Variants in HS6ST3 observed in about 807,000 individuals in gnomAD.
HS6ST3 encodes heparan-sulfate 6-O-sulfotransferase 3.
A neutral mutation model predicts 36.7 loss-of-function variants in HS6ST3; 12 were observed. The ratio of observed to expected loss-of-function variants is 0.33; its 90% confidence interval spans 0.21 to 0.53. The LOEUF (loss-of-function observed/expected upper bound fraction) is 0.53. HS6ST3 is among the 20% of genes least tolerant of loss of function. The probability of loss-of-function intolerance (pLI) is 0.95; values close to 1 mark genes in which losing one functional copy is unlikely to be tolerated. For missense variants in HS6ST3, 584 were observed against 640.9 expected (o/e 0.91, Z 0.96); for synonymous variants, 240 against 257.5 (o/e 0.93, Z 0.65).
chr13:96,671,392 A>C (rs1411068426), intron 1 of HS6ST3, among the ~76,000 whole-genome samples: 1 of 152,166 alleles, frequency 6.6e-6, no homozygotes. Context: ...AGTTATGCCC[A>C]ACTAACTACA....
intron 1 of HS6ST3, among the ~76,000 whole-genome samples, chr13:96,520,356 A>G (rs1436462340): frequency 1.3e-5 from 2 of 152,118 alleles, no homozygotes; most frequent in Non-Finnish European, 2.9e-5. Context: ...TTGGTTCCAT[A>G]TGAAGTTTAA....
intron 1 of HS6ST3, among the ~76,000 whole-genome samples, chr13:96,649,286 A>G (rs983567918): frequency 7.2e-5 from 11 of 152,034 alleles, no homozygotes; most frequent in African/African-American, 2.2e-4. Context: ...TCTTCTTAAC[A>G]TGGTGGCAGC....
At chr13:96,495,096 A>G (rs1175335726) in intron 1 of HS6ST3, among the ~76,000 whole-genome samples, 1 of 151,984 alleles carries the variant, frequency 6.6e-6, no homozygotes, top group Non-Finnish European at 1.5e-5. Flanking sequence ...CCTAACTGAT[A>G]TTATACTCTT....
At chr13:96,610,742 T>G (rs1206326324) in intron 1 of HS6ST3, among the ~76,000 whole-genome samples, 1 of 152,066 alleles carries the variant, frequency 6.6e-6, no homozygotes, top group East Asian at 1.9e-4. Context: ...TACTTCCTCA[T>G]GTCTGAAAGC....
chr13:96,734,022 C>A (rs1447021574), intron 1 of HS6ST3, among the ~76,000 whole-genome samples: 2 of 152,196 alleles, frequency 1.3e-5, no homozygotes, highest in Non-Finnish European at 1.5e-5. Context: ...GCTTTTTAAA[C>A]ATGCACATCA....
At chr13:96,732,124 G>A (rs1162979795) in intron 1 of HS6ST3, among the ~76,000 whole-genome samples, 2 of 152,022 alleles carry the variant, frequency 1.3e-5, no homozygotes, top group African/African-American at 4.8e-5. Context: ...ATATCTCCTT[G>A]TGCTTTTGAT....
At chr13:96,687,820 A>T (rs1170845228) in intron 1 of HS6ST3, among the ~76,000 whole-genome samples, 1 of 152,082 alleles carries the variant, frequency 6.6e-6, no homozygotes, top group Non-Finnish European at 1.5e-5. Flanking sequence ...AGAATGACTG[A>T]CATTGTAATT....
intron 1 of HS6ST3, among the ~76,000 whole-genome samples, chr13:96,458,472 T>C (rs2055765071): frequency 6.6e-6 from 1 of 152,088 alleles, no homozygotes; most frequent in Non-Finnish European, 1.5e-5. Context: ...TCAGACTCAC[T>C]CAAAAGGGTC....
At position 96,124,050 on chromosome 13, in the gene HS6ST3, A is replaced by G. The variant is rs140685528; in HGVS notation, c.707+32481A>G. ...TTTAGGAGGTTTGACCAGTGGCATC[A>G]GGGTTAAGCCTGTTGAAGATCATGC... On this transcript the variant is annotated intron_variant, in intron 1 of 1. Transcript: ENST00000376705. 2.6e-4 allele frequency among the ~76,000 whole-genome samples: 39 copies of G among 152,344 alleles called. No homozygotes were observed. In the East Asian group the frequency reaches 4.8e-3, roughly 19 times the overall value.
intron 1 of HS6ST3, among the ~76,000 whole-genome samples, chr13:96,250,975 T>G (rs1231786331): frequency 6.6e-6 from 1 of 152,232 alleles, no homozygotes; most frequent in African/African-American, 2.4e-5. Flanking sequence ...TTTAATGTAC[T>G]GTTGAACTTG....
rs143090821 is a variant in HS6ST3, at chr13:96,405,880, A to T, written c.707+314311A>T. ...TCAAATTCATAAAATTTCAGAGGTG[A>T]GTTTTGAGCCAATTTGCTCCCCTCC... On this transcript the variant is annotated intron_variant, in intron 1 of 1. Transcript: ENST00000376705. Among the ~76,000 whole-genome samples, 54 of 152,236 alleles carry T rather than the reference A, an allele frequency of 3.5e-4. 1 individual carries two copies. The highest frequency in any genetic ancestry group is 1.2e-3 in the African/African-American group (50 of 41,558).
At chr13:96,436,676 C>T (rs558902301) in intron 1 of HS6ST3, among the ~76,000 whole-genome samples, 5 of 152,218 alleles carry the variant, frequency 3.3e-5, no homozygotes, top group African/African-American at 7.2e-5. Flanking sequence ...ACAAGGTTTG[C>T]GCATTCAAAG....
At chr13:96,391,648 C>G (rs893351190) in intron 1 of HS6ST3, among the ~76,000 whole-genome samples, 4 of 151,942 alleles carry the variant, frequency 2.6e-5, no homozygotes, top group African/African-American at 4.8e-5. Flanking sequence ...TGGTGGAAGG[C>G]AAGGAGGAGC....
At chr13:96,191,836 A>G (rs16951661) in intron 1 of HS6ST3, among the ~76,000 whole-genome samples, 6,236 of 152,346 alleles carry the variant, frequency 0.041, 207 homozygotes, top group African/African-American at 0.086. Context: ...TTGTAAATAA[A>G]ATATGCTGTA....
intron 1 of HS6ST3, among the ~76,000 whole-genome samples, chr13:96,653,021 A>T (rs1475365192): frequency 1.3e-5 from 2 of 152,034 alleles, no homozygotes; most frequent in African/African-American, 4.8e-5. Context: ...TGATCATTTT[A>T]AAAAATGTTT....
At chr13:96,698,892 C>T (rs144190047) in intron 1 of HS6ST3, among the ~76,000 whole-genome samples, 93 of 152,104 alleles carry the variant, frequency 6.1e-4, no homozygotes, top group African/African-American at 2.0e-3. Context: ...GTACTGGTGC[C>T]GAAACAGAGA....
intron 1 of HS6ST3, among the ~76,000 whole-genome samples, chr13:96,645,080 G>A (rs988328814): frequency 6.6e-6 from 1 of 151,892 alleles, no homozygotes; most frequent in Non-Finnish European, 1.5e-5. Context: ...TTAAATAAAT[G>A]TATTGCCTAA....
At chr13:96,798,551 C>G (rs1039252538) in intron 1 of HS6ST3, among the ~76,000 whole-genome samples, 5 of 152,072 alleles carry the variant, frequency 3.3e-5, no homozygotes, top group African/African-American at 1.2e-4. Flanking sequence ...TTCACAACAT[C>G]ACAGGGATCC....
At chr13:96,536,249 G>C (rs781521637) in intron 1 of HS6ST3, among the ~76,000 whole-genome samples, 6 of 152,152 alleles carry the variant, frequency 3.9e-5, no homozygotes, top group Admixed American at 6.5e-5. Flanking sequence ...ACACTTAGAA[G>C]CTTTGGCAGA....
Sources: allele counts gnomAD v4.1 joint callset (sites outside exome capture counted in the v4.1 genomes callset), GRCh38; gene constraint gnomAD v4.1.1; transcripts MANE v1.5; gene names NCBI Gene and HGNC (gene_info 2026-07-23, HGNC 2026-07-21).